The following ROBO1 variants were observed in gnomAD, a reference collection of about 807,000 sequenced individuals.
ROBO1 encodes roundabout homolog 1.
A neutral mutation model predicts 195.9 loss-of-function variants in ROBO1; 149 were observed. The observed-to-expected ratio is 0.76, with a 90% CI of 0.67 to 0.87. ROBO1 has a LOEUF of 0.87. ROBO1 is among the 40% of genes least tolerant of loss of function. ROBO1 has a pLI of 0.00. For missense variants in ROBO1, 1,933 were observed against 2,068.3 expected (o/e 0.93, Z 1.27); for synonymous variants, 816 against 733.2 (o/e 1.11, Z -1.82).
At chr3:78,665,587 T>C (rs964368461) in intron 14 of ROBO1, among the ~76,000 whole-genome samples, 1 of 152,186 alleles carries the variant, frequency 6.6e-6, no homozygotes. Context: ...TTTTATGAAC[T>C]TCCTTTACTT....
chr3:78,603,242 G>A (rs1703278967), intron 29 of ROBO1, among the ~76,000 whole-genome samples: 1 of 152,006 alleles, frequency 6.6e-6, no homozygotes, highest in African/African-American at 2.4e-5. Flanking sequence ...TTATTATGTA[G>A]TAGTACTGAA....
At chr3:79,679,461 CA>C (rs2106959508) in intron 1 of ROBO1, among the ~76,000 whole-genome samples, 1 of 152,056 alleles carries the variant, frequency 6.6e-6, no homozygotes, top group East Asian at 1.9e-4. Context: ...GGAACAATTA[CA>C]TTATTTACTG....
chr3:78,694,895 C>G (rs960518478), intron 8 of ROBO1, among the ~76,000 whole-genome samples: 2 of 151,904 alleles, frequency 1.3e-5, no homozygotes, highest in Non-Finnish European at 2.9e-5. Flanking sequence ...TACTTAAAGT[C>G]AGAAAAGTAG....
In ROBO1 at chr3:79,303,201, C is replaced by G. The variant is rs548579581; in HGVS notation, c.89-177662G>C. Among the ~76,000 whole-genome samples the G allele has an allele frequency of 1.1e-4, 13 of 116,490 alleles. No individual in the cohort carries two copies. The East Asian group carries it at 3.5e-3, about 32-fold the overall frequency. 76.4% of individuals were successfully genotyped at this position (116,490 alleles called of 152,430 possible). Reference sequence around the variant, plus strand: ...TTTTTTTTGGAGATGGAGTCTTGCTCTGTTGCCCAGGCTGGAGCGCAGTGG... The same window carrying G: ...TTTTTTTTGGAGATGGAGTCTTGCTGTGTTGCCCAGGCTGGAGCGCAGTGG... On this transcript the variant is annotated intron_variant, in intron 2 of 30. Coordinates refer to ENST00000464233, the MANE Select transcript of ROBO1 (RefSeq NM_002941.4).
At chr3:79,441,434 T>C (rs751176025) in intron 2 of ROBO1, among the ~76,000 whole-genome samples, 8 of 152,166 alleles carry the variant, frequency 5.3e-5, no homozygotes, top group Non-Finnish European at 7.4e-5. Context: ...TAGCATTTCT[T>C]GCCATCATGG....
Position 78,828,017 on chromosome 3 carries a change from T to C in ROBO1, c.500-81117A>G, listed in dbSNP as rs571516287. ...CTGAAAGACTCAATTTAAGAAAAAA[T>C]AAAAACAGATACTATTAACATTTTA... On this transcript the variant is annotated intron_variant, in intron 4 of 30. Coordinates refer to ENST00000464233, the MANE Select transcript of ROBO1 (RefSeq NM_002941.4). Among the ~76,000 whole-genome samples the C allele has an allele frequency of 2.6e-5, 4 of 152,152 alleles. No homozygotes were observed. In the East Asian group the frequency reaches 7.7e-4, roughly 29 times the overall value.
At chr3:78,758,217 G>A (rs1429132652) in intron 4 of ROBO1, among the ~76,000 whole-genome samples, 2 of 152,048 alleles carry the variant, frequency 1.3e-5, no homozygotes, top group Non-Finnish European at 2.9e-5. Flanking sequence ...ATTGTTTTAT[G>A]TAATTATAAA....
chr3:79,646,265 T>C (rs1945818903), intron 1 of ROBO1, among the ~76,000 whole-genome samples: 1 of 152,106 alleles, frequency 6.6e-6, no homozygotes, highest in Non-Finnish European at 1.5e-5. Context: ...GAATAGACAC[T>C]TCTCAAAAGA....
At chr3:79,677,372 T>A (rs1373826574) in intron 1 of ROBO1, among the ~76,000 whole-genome samples, 2 of 151,884 alleles carry the variant, frequency 1.3e-5, no homozygotes, top group Non-Finnish European at 2.9e-5. Context: ...AGAGAACTCA[T>A]AGTTTCACGT....
chr3:79,332,150 G>GAA (rs1350093101), intron 2 of ROBO1, among the ~76,000 whole-genome samples: 7,584 of 94,230 alleles, frequency 0.08, 561 homozygotes, highest in African/African-American at 0.2. Flanking sequence ...CTCAAAAAAA[G>GAA]AAAAAAAAAA....
At chr3:78,654,225 C>T (rs899211163) in intron 18 of ROBO1, among the ~76,000 whole-genome samples, 2 of 152,124 alleles carry the variant, frequency 1.3e-5, no homozygotes, top group Admixed American at 6.5e-5. Context: ...GAAAACAGCA[C>T]CCCTTTCAAT....
At chr3:78,971,102 G>A (rs907361933) in intron 3 of ROBO1, among the ~76,000 whole-genome samples, 6 of 152,124 alleles carry the variant, frequency 3.9e-5, no homozygotes, top group Non-Finnish European at 8.8e-5. Flanking sequence ...TATTAAAAAT[G>A]TCCAGGGGCC....
Position 78,657,214 on chromosome 3 carries a change from G to A in ROBO1, c.2498C>T (p.Ser833Phe), listed in dbSNP as rs1047657159. ...AAAGGGAATGACCACGGAAAAGGTG[G>A]AACCATCCACTGTTTTGTTGATGTG... ...RYHINKTVDG[S>F]TFSVVIPFLV... Residue 833 changes from serine (S) to phenylalanine (F), a missense_variant, in exon 18 of 31, where the codon TCC (serine) becomes TTC (phenylalanine). Coordinates refer to ENST00000464233, the MANE Select transcript of ROBO1 (RefSeq NM_002941.4). The A allele has an allele frequency of 5.6e-6, 9 of 1,613,408 alleles. No individual in the cohort carries two copies. The highest frequency in any genetic ancestry group is 7.6e-6 in the Non-Finnish European group (9 of 1,179,732).
intron 2 of ROBO1, among the ~76,000 whole-genome samples, chr3:79,501,155 TG>T (rs1188464696): frequency 6.6e-6 from 1 of 152,198 alleles, no homozygotes; most frequent in East Asian, 1.9e-4. Context: ...CACACTCATT[TG>T]TTTATCTATT....
At chr3:78,647,795 T>C in intron 19 of ROBO1, 140 bp from the exon 20 acceptor site, 1 of 780,358 alleles carries the variant, frequency 1.3e-6, no homozygotes, top group Non-Finnish European at 2.2e-6. Flanking sequence ...CAATCTGATC[T>C]ATGAATAAAA....
intron 29 of ROBO1, among the ~76,000 whole-genome samples, chr3:78,601,468 G>A (rs145322568): frequency 2.6e-4 from 40 of 152,262 alleles, no homozygotes; most frequent in African/African-American, 9.4e-4. Context: ...CAGTCCATGA[G>A]GATGACTGTT....
At chr3:79,701,585 C>T (rs1034498568) in intron 1 of ROBO1, among the ~76,000 whole-genome samples, 2 of 151,552 alleles carry the variant, frequency 1.3e-5, no homozygotes, top group East Asian at 1.9e-4. Flanking sequence ...AACTTGCTGT[C>T]AAACATAATT....
intron 4 of ROBO1, among the ~76,000 whole-genome samples, chr3:78,916,769 T>C (rs2038623889): frequency 6.6e-6 from 1 of 152,158 alleles, no homozygotes; most frequent in Admixed American, 6.5e-5. Flanking sequence ...TGGAAATTAC[T>C]ATCTAGCTTA....
chr3:79,324,781 C>A (rs1051034847), intron 2 of ROBO1, among the ~76,000 whole-genome samples: 1 of 152,160 alleles, frequency 6.6e-6, no homozygotes, highest in Non-Finnish European at 1.5e-5. Flanking sequence ...ATGAGAATGT[C>A]AACCATTGTT....
Sources: allele counts gnomAD v4.1 joint callset (sites outside exome capture counted in the v4.1 genomes callset), GRCh38; gene constraint gnomAD v4.1.1; transcripts MANE v1.5; gene names NCBI Gene and HGNC (gene_info 2026-07-23, HGNC 2026-07-21).